The following UBE2L6 variants were observed in gnomAD, a reference collection of about 807,000 sequenced individuals.
UBE2L6 encodes the protein ubiquitin conjugating enzyme E2 L6.
In UBE2L6, 11 loss-of-function variants were observed where a neutral mutation model predicts 13.6. The observed-to-expected ratio is 0.81, with a 90% CI of 0.51 to 1.34. The LOEUF (loss-of-function observed/expected upper bound fraction) is 1.34, where lower values mean the gene tolerates loss of function less well. UBE2L6 is among the 40% of genes most tolerant of loss of function. The pLI, the probability that UBE2L6 is intolerant of heterozygous loss-of-function variation, is 0.00. For synonymous variants in UBE2L6, 74 were observed against 83.2 expected (o/e 0.89, Z 0.60); for missense variants, 197 against 199.5 (o/e 0.99, Z 0.07).
intron 3 of UBE2L6, among the ~76,000 whole-genome samples, chr11:57,553,987 G>T (rs767815737): frequency 2.6e-5 from 4 of 152,162 alleles, no homozygotes; most frequent in Non-Finnish European, 4.4e-5. Context: ...TCACGGGCTT[G>T]TTGGGGAAAT....
chr11:57,552,212 AC>A lies in UBE2L6; in HGVS notation c.*145del. 5.1e-6 allele frequency: 6 copies of A among 1,165,174 alleles called. No individual in the cohort carries two copies. Among genetic ancestry groups the A allele is most frequent in the African/African-American group, 1.5e-5 (1 of 65,360 alleles). 72.2% of individuals were successfully genotyped at this position (1,165,174 alleles called of 1,614,324 possible). A position where few individuals can be genotyped will look rare whatever the true frequency, so the allele number is the denominator to read the frequency against. ...ACACACTCATAGCTCCCTTCCCTCC[AC>A]CACACACACACACAAACTAATGACT... On this transcript the variant is annotated 3_prime_UTR_variant, in exon 4 of 4. Coordinates refer to ENST00000287156, the MANE Select transcript of UBE2L6 (RefSeq NM_004223.5).
chr11:57,557,067 C>CAAA (rs199843337), intron 2 of UBE2L6, among the ~76,000 whole-genome samples: 1 of 124,306 alleles, frequency 8.0e-6, no homozygotes, highest in East Asian at 2.3e-4. Flanking sequence ...ACTCTGTCAC[C>CAAA]AAAAAAAAAA....
In UBE2L6 at chr11:57,567,576, C is replaced by A. The variant is rs758054613; in HGVS notation, c.27+9G>T. ...GCCAAGAGAAAGGGGTCATCCTATA[C>A]GCGGTTACCTTCACCACTCGCATGC... is the stretch of plus-strand genomic sequence containing the variant. On this transcript the variant is annotated intron_variant, in intron 1 of 3. Coordinates refer to ENST00000287156, the MANE Select transcript of UBE2L6 (RefSeq NM_004223.5). 3.1e-6 allele frequency: 5 copies of A among 1,606,956 alleles called. No homozygotes were observed. The East Asian group carries it at 1.1e-4, about 36-fold the overall frequency.
Position 57,554,528 on chromosome 11 carries a change from C to G in UBE2L6, c.219G>C (p.Lys73Asn). ...FKPPMIKFTT[K>N]IYHPNVDENG... The stretch of plus-strand genomic sequence containing the variant: ...TCTCGTCCACGTTGGGGTGGTAGAT[C>G]TTGGTTGTGAATTTGATCATGGGAG... Residue 73 changes from lysine to asparagine, a missense_variant, in exon 3 of 4, where the codon AAG becomes AAC. Coordinates refer to ENST00000287156, the MANE Select transcript of UBE2L6 (RefSeq NM_004223.5). The G allele has an allele frequency of 6.2e-7, 1 of 1,613,710 alleles. No homozygotes were observed. The highest frequency in any genetic ancestry group is 8.5e-7 in the Non-Finnish European group (1 of 1,179,912).
At chr11:57,567,100 T>C in intron 1 of UBE2L6, 2 of 457,074 alleles carry the variant, frequency 4.4e-6, no homozygotes, top group Non-Finnish European at 8.8e-6. Flanking sequence ...TCCCAAATTC[T>C]AATCAGCATT....
chr11:57,567,159 G>A (rs1306719468), intron 1 of UBE2L6: 16 of 464,026 alleles, frequency 3.4e-5, no homozygotes, highest in Admixed American at 2.8e-4. Flanking sequence ...TATGGGATGG[G>A]CTATGGGCTT....
At chr11:57,556,657 C>T (rs1207605596) in intron 2 of UBE2L6, among the ~76,000 whole-genome samples, 2 of 147,096 alleles carry the variant, frequency 1.4e-5, no homozygotes, top group Admixed American at 6.8e-5. Context: ...AAGAAAATAT[C>T]TCATTTTTTA....
chr11:57,563,457 G>A (rs1281985071), intron 1 of UBE2L6, among the ~76,000 whole-genome samples: 1 of 146,630 alleles, frequency 6.8e-6, no homozygotes, highest in East Asian at 2.0e-4. Context: ...CTCCAGCCTG[G>A]GCAACAAGAG....
In UBE2L6 at chr11:57,567,579, G is replaced by T. The variant is rs182350818; in HGVS notation, c.27+6C>A. On this transcript the variant is annotated splice_donor_region_variant and intron_variant, in intron 1 of 3. Coordinates refer to ENST00000287156, the MANE Select transcript of UBE2L6 (RefSeq NM_004223.5). ...AAGAGAAAGGGGTCATCCTATACGC[G>T]GTTACCTTCACCACTCGCATGCTCG... is the stretch of plus-strand genomic sequence containing the variant. 1.9e-6 allele frequency: 3 copies of T among 1,607,340 alleles called. No homozygotes were observed. The highest frequency in any genetic ancestry group is 1.3e-5 in the African/African-American group (1 of 75,028).
chr11:57,563,509 A>G (rs200534185), intron 1 of UBE2L6, among the ~76,000 whole-genome samples: 1 of 151,570 alleles, frequency 6.6e-6, no homozygotes, highest in East Asian at 1.9e-4. Context: ...AAAGAAAGAA[A>G]AAAATGCAAT....
chr11:57,554,549 G>A lies in UBE2L6; in HGVS notation c.198C>T (p.Pro66=), dbSNP rs1255765208. The A allele has an allele frequency of 1.2e-6, 2 of 1,613,594 alleles. No homozygotes were observed. Among genetic ancestry groups the A allele is most frequent in the Non-Finnish European group, 1.7e-6 (2 of 1,179,864 alleles). Residue 66 remains proline, a synonymous_variant, in exon 3 of 4, where the codon CCC becomes CCT. Transcript: ENST00000287156. Reference sequence around the variant, plus strand: ...AGATCTTGGTTGTGAATTTGATCATGGGAGGCTTGAACGGATACTCCGGCG... The same window carrying A: ...AGATCTTGGTTGTGAATTTGATCATAGGAGGCTTGAACGGATACTCCGGCG... ...SFPPEYPFKP[P]MIKFTTKIYH... is the part of the protein sequence containing the mutation.
intron 2 of UBE2L6, among the ~76,000 whole-genome samples, chr11:57,555,429 T>C (rs548515080): frequency 1.3e-5 from 2 of 152,250 alleles, no homozygotes; most frequent in African/African-American, 4.8e-5. Context: ...GTACCCAGAA[T>C]AGTCAAATTC....
intron 1 of UBE2L6, among the ~76,000 whole-genome samples, chr11:57,564,076 G>C (rs1003351468): frequency 6.6e-6 from 1 of 152,098 alleles, no homozygotes; most frequent in South Asian, 2.1e-4. Context: ...TCTAGAGAAA[G>C]ATATCAATAT....
upstream of UBE2L6, chr11:57,567,718 C>G: frequency 7.2e-7 from 1 of 1,389,514 alleles, no homozygotes. Context: ...GGCAGCCCCG[C>G]CCACCCCTCC....
intron 2 of UBE2L6, among the ~76,000 whole-genome samples, chr11:57,556,214 G>A (rs1432889480): frequency 6.6e-6 from 1 of 151,980 alleles, no homozygotes; most frequent in Admixed American, 6.6e-5. Context: ...GGTCAGGTGC[G>A]GTGCCTCACG....
chr11:57,567,490 A>G (rs929947830), intron 1 of UBE2L6, 95 bp downstream of exon 1: 2 of 1,529,138 alleles, frequency 1.3e-6, no homozygotes, highest in Non-Finnish European at 1.8e-6. Flanking sequence ...ACAAATAAAT[A>G]AATGTGCTCG....
At chr11:57,567,733 G>T, upstream of UBE2L6, 1 of 1,223,424 alleles carries the variant, frequency 8.2e-7, no homozygotes, top group Non-Finnish European at 1.1e-6. Context: ...CCCTCCTCCA[G>T]CCGTCGCTGC....
At chr11:57,560,528 T>C (rs1488872193) in intron 1 of UBE2L6, 96 bp from the exon 2 acceptor site, 4 of 909,726 alleles carry the variant, frequency 4.4e-6, no homozygotes, top group Admixed American at 3.7e-5. Flanking sequence ...AGTTCAAAAC[T>C]GGCCATCTTA....
At chr11:57,563,204 T>C (rs1488753086) in intron 1 of UBE2L6, among the ~76,000 whole-genome samples, 1 of 151,924 alleles carries the variant, frequency 6.6e-6, no homozygotes, top group Non-Finnish European at 1.5e-5. Flanking sequence ...AAAAATGCAA[T>C]TGAGGCCGGG....
Sources: allele counts gnomAD v4.1 joint callset (sites outside exome capture counted in the v4.1 genomes callset), GRCh38; gene constraint gnomAD v4.1.1; transcripts MANE v1.5; gene names NCBI Gene and HGNC (gene_info 2026-07-23, HGNC 2026-07-21).